Variants in PALS1 observed in about 807,000 individuals in gnomAD.
The protein encoded by PALS1 is protein PALS1.
In PALS1, 31 loss-of-function variants were observed where a neutral mutation model predicts 78.9. The ratio of observed to expected loss-of-function variants is 0.39; its 90% CI spans 0.30 to 0.53. The LOEUF (loss-of-function observed/expected upper bound fraction) is 0.53, where lower values mean the gene tolerates loss of function less well. Ranked by LOEUF, PALS1 falls within the 20% of genes least tolerant of loss-of-function variation. The pLI is 0.67. For missense variants in PALS1, 704 were observed against 826.5 expected, an observed-to-expected ratio of 0.85 and a Z score of 1.82; for synonymous variants, 276 against 270.9, an observed-to-expected ratio of 1.02 and a Z score of -0.18.
chr14:67,268,535 G>C (rs187915521), intron 1 of PALS1, among the ~76,000 whole-genome samples: 1 of 152,124 alleles, frequency 6.6e-6, no homozygotes, highest in Non-Finnish European at 1.5e-5. Context: ...TGAATTTTCC[G>C]GGGGAAAGGG....
At chr14:67,289,914 G>A (rs975647106) in intron 3 of PALS1, among the ~76,000 whole-genome samples, 1 of 151,810 alleles carries the variant, frequency 6.6e-6, no homozygotes. Context: ...GGGACTACAG[G>A]CACCCACCAC....
chr14:67,306,460 C>T (rs1291905330), intron 8 of PALS1, among the ~76,000 whole-genome samples: 1 of 152,076 alleles, frequency 6.6e-6, no homozygotes, highest in Non-Finnish European at 1.5e-5. Flanking sequence ...TCTCCTGACT[C>T]AGCCTCCCAA....
At chr14:67,305,392 A>T (rs2084986885) in intron 8 of PALS1, among the ~76,000 whole-genome samples, 2 of 151,840 alleles carry the variant, frequency 1.3e-5, no homozygotes. Context: ...CAGTCCTCCT[A>T]CCTCAGCCTC....
intron 8 of PALS1, among the ~76,000 whole-genome samples, chr14:67,309,426 C>CTTAA (rs1220509854): frequency 7.2e-5 from 11 of 152,080 alleles, no homozygotes; most frequent in African/African-American, 2.7e-4. Context: ...GCCTTTTCCT[C>CTTAA]TTAATTTTAG....
At chr14:67,277,855 A>G (rs1439170856) in intron 2 of PALS1, among the ~76,000 whole-genome samples, 1 of 150,912 alleles carries the variant, frequency 6.6e-6, no homozygotes, top group African/African-American at 2.4e-5. Context: ...CTGAGGGTCA[A>G]AGAGAGAAAA....
At chr14:67,258,936 G>A (rs1299960394) in intron 1 of PALS1, among the ~76,000 whole-genome samples, 5 of 151,968 alleles carry the variant, frequency 3.3e-5, no homozygotes, top group East Asian at 3.9e-4. Context: ...CCCACCTCCC[G>A]GGTTCAAGTG....
chr14:67,323,652 A>G (rs778585653), intron 13 of PALS1, 50 bp from the exon 14 acceptor site: 1 of 674,584 alleles, frequency 1.5e-6, no homozygotes, highest in Admixed American at 2.9e-5. Flanking sequence ...ATTATTAGGA[A>G]GTAATTAAAT....
intron 8 of PALS1, among the ~76,000 whole-genome samples, chr14:67,308,950 G>A (rs2085049697): frequency 6.6e-6 from 1 of 151,908 alleles, no homozygotes; most frequent in South Asian, 2.1e-4. Flanking sequence ...CATTATCCCT[G>A]TACCCTATCC....
intron 1 of PALS1, among the ~76,000 whole-genome samples, chr14:67,251,741 G>C (rs950037556): frequency 6.6e-6 from 1 of 152,180 alleles, no homozygotes; most frequent in Non-Finnish European, 1.5e-5. Context: ...ATTTTCTTAA[G>C]CATAGAGAGT....
intron 14 of PALS1, among the ~76,000 whole-genome samples, chr14:67,324,896 C>CCTT (rs2085326609): frequency 4.4e-5 from 5 of 114,454 alleles, no homozygotes; most frequent in South Asian, 6.0e-4. Flanking sequence ...GCCTTCCTTT[C>CCTT]ATTTTTTTTT....
Position 67,333,130 on chromosome 14 carries a change from G to A in PALS1, c.*174G>A. On this transcript the variant is annotated 3_prime_UTR_variant, in exon 15 of 15. Coordinates refer to ENST00000261681, the MANE Select transcript of PALS1 (RefSeq NM_022474.4). ...ACGACAGTTCCCTTAGGCAGTTTGTGCATGGCATCCTTTATTCTCTATACA... is the reference window on the plus strand; with the variant it reads ...ACGACAGTTCCCTTAGGCAGTTTGTACATGGCATCCTTTATTCTCTATACA... 1.8e-6 allele frequency: 1 copy of A among 550,086 alleles called. No individual in the cohort carries two copies. The highest frequency in any genetic ancestry group is 3.0e-5 in the East Asian group (1 of 32,934). The allele number at this position is 550,086 out of a possible 1,614,324, so 34.1% of individuals were successfully genotyped here.
rs774577610 is a variant in PALS1 at position 67,317,477 on chromosome 14, A to T, written c.1367A>T (p.Asp456Val). ...GTTTTATATAATGCCAATAAAAATGATGGTAAGTTCTACTCTCAGGGATAG... is the reference window on the plus strand; with the variant it reads ...GTTTTATATAATGCCAATAAAAATGTTGGTAAGTTCTACTCTCAGGGATAG... ...KKVLYNANKN[D>V]DYDNEEILTY... Residue 456 changes from aspartate (D) to valine (V), a missense_variant and splice_region_variant, in exon 11 of 15, where the codon GAT becomes GTT. Coordinates refer to ENST00000261681, the MANE Select transcript of PALS1 (RefSeq NM_022474.4). 6.2e-7 allele frequency: 1 copy of T among 1,601,258 alleles called. No individual in the cohort carries two copies.
At chr14:67,244,003 C>T (rs1220343190) in intron 1 of PALS1, among the ~76,000 whole-genome samples, 1 of 152,140 alleles carries the variant, frequency 6.6e-6, no homozygotes, top group Non-Finnish European at 1.5e-5. Context: ...TCTAAGTCTC[C>T]ATATTCTAAA....
chr14:67,306,806 A>C (rs758557205), intron 8 of PALS1, among the ~76,000 whole-genome samples: 3 of 152,238 alleles, frequency 2.0e-5, no homozygotes, highest in Non-Finnish European at 4.4e-5. Context: ...GTAATAGGAA[A>C]TCATAATCTT....
intron 3 of PALS1, among the ~76,000 whole-genome samples, chr14:67,286,793 G>A (rs2084695337): frequency 6.8e-6 from 1 of 147,916 alleles, no homozygotes; most frequent in Non-Finnish European, 1.5e-5. Flanking sequence ...AGAAGTTGAG[G>A]CTGCAGTGAG....
In PALS1 at chr14:67,302,131, C is replaced by G. The variant is rs774033581; in HGVS notation, c.801+13C>G. The G allele has an allele frequency of 5.1e-6, 8 of 1,583,760 alleles. No individual in the cohort carries two copies. In the African/African-American group the frequency reaches 5.5e-5, roughly 11 times the overall value. Reference sequence around the variant, plus strand: ...TGATATTCCGTTGGTAAGTGTCCCACATACTGTTTTTAAACAAGTGCATTT... The same window carrying G: ...TGATATTCCGTTGGTAAGTGTCCCAGATACTGTTTTTAAACAAGTGCATTT... On this transcript the variant is annotated intron_variant, in intron 6 of 14. Coordinates refer to ENST00000261681, the MANE Select transcript of PALS1 (RefSeq NM_022474.4).
chr14:67,285,590 C>G (rs1338746779), intron 3 of PALS1, among the ~76,000 whole-genome samples: 2 of 143,772 alleles, frequency 1.4e-5, no homozygotes, highest in African/African-American at 5.6e-5. Flanking sequence ...AGGATGGTCT[C>G]GATCTCTGAT....
intron 3 of PALS1, among the ~76,000 whole-genome samples, chr14:67,289,636 T>TA (rs1272675116): frequency 6.6e-6 from 1 of 152,138 alleles, no homozygotes; most frequent in African/African-American, 2.4e-5. Flanking sequence ...AAAGAACTGT[T>TA]AAAATCTATT....
At chr14:67,297,098 T>TG (rs1211319760) in intron 4 of PALS1, among the ~76,000 whole-genome samples, 3 of 152,194 alleles carry the variant, frequency 2.0e-5, no homozygotes, top group Admixed American at 6.5e-5. Context: ...CAAAGCACTT[T>TG]GGGGGAAAAA....
Sources: allele counts gnomAD v4.1 joint callset (sites outside exome capture counted in the v4.1 genomes callset), GRCh38; gene constraint gnomAD v4.1.1; transcripts MANE v1.5; gene names NCBI Gene and HGNC (gene_info 2026-07-23, HGNC 2026-07-21).